The following OTUD7A variants were observed in gnomAD, a reference collection of about 807,000 sequenced individuals.
OTUD7A encodes OTU domain-containing protein 7A.
In OTUD7A, 12 loss-of-function variants were observed where a neutral mutation model predicts 65.7. The observed-to-expected ratio is 0.18, with a 90% CI of 0.12 to 0.30. The LOEUF (loss-of-function observed/expected upper bound fraction) is 0.30, where lower values mean the gene tolerates loss of function less well. Among genes scored for constraint, OTUD7A ranks in the 10% least tolerant of loss-of-function variants. OTUD7A has a pLI of 1.00. For synonymous variants in OTUD7A, 641 were observed against 586.3 expected (o/e 1.09, Z -1.35); for missense variants, 1,148 against 1,304.8 (o/e 0.88, Z 1.85).
chr15:31,755,277 A>G (rs931684958), intron 1 of OTUD7A, among the ~76,000 whole-genome samples: 1 of 152,162 alleles, frequency 6.6e-6, no homozygotes, highest in African/African-American at 2.4e-5. Flanking sequence ...TGCCAGAAGC[A>G]TTTGAAAACA....
At chr15:31,537,635 C>T (rs1395487722) in intron 5 of OTUD7A, among the ~76,000 whole-genome samples, 1 of 152,182 alleles carries the variant, frequency 6.6e-6, no homozygotes, top group African/African-American at 2.4e-5. Flanking sequence ...TTTATAACAA[C>T]CAGGCTGGGA....
rs1011267161 is a variant in OTUD7A at position 31,757,170 on chromosome 15, T to A, written c.-99-100093A>T. 2.0e-4 allele frequency among the ~76,000 whole-genome samples: 31 copies of A among 152,194 alleles called. 1 individual carries two copies. The highest frequency in any genetic ancestry group is 9.7e-4 in the East Asian group (5 of 5,176). ...TTCTCTAAGGCAGAGGCAGATCTCA[T>A]TAATCCTGCACCTCCTGGTGCTGAA... On this transcript the variant is annotated intron_variant, in intron 1 of 12. Transcript: ENST00000307050.
rs182868369 is a variant in OTUD7A, at chr15:31,798,230, G to A, written c.-100+72277C>T. 4.6e-3 allele frequency among the ~76,000 whole-genome samples: 695 copies of A among 152,250 alleles called. 9 individuals are homozygous for A. The highest frequency in any genetic ancestry group is 0.016 in the African/African-American group (670 of 41,528). ...GTGGGGGGGTGGGGGTCCCAATTTA[G>A]TCCATAACAAATGTGATCTTCCCCA... On this transcript the variant is annotated intron_variant, in intron 1 of 12. Coordinates refer to ENST00000307050, the MANE Select transcript of OTUD7A (RefSeq NM_001382637.1).
chr15:31,860,684 T>TATATATATATATATATAC (rs1897711257), intron 1 of OTUD7A, among the ~76,000 whole-genome samples: 1 of 126,366 alleles, frequency 7.9e-6, no homozygotes, highest in Non-Finnish European at 1.7e-5. Context: ...TGTGTATATA[T>TATATATATATATATATAC]ATATATATAT....
At chr15:31,821,129 A>G (rs1366564303) in intron 1 of OTUD7A, among the ~76,000 whole-genome samples, 1 of 104,884 alleles carries the variant, frequency 9.5e-6, no homozygotes, top group Non-Finnish European at 2.0e-5. Flanking sequence ...TCAGTTTTTC[A>G]TTTCTTTTTT....
At chr15:31,809,711 T>C (rs1896372023) in intron 1 of OTUD7A, among the ~76,000 whole-genome samples, 1 of 152,234 alleles carries the variant, frequency 6.6e-6, no homozygotes, top group Non-Finnish European at 1.5e-5. Flanking sequence ...GTCAAGCCTT[T>C]ACACCAAAGC....
At chr15:31,835,197 T>C (rs1206122468) in intron 1 of OTUD7A, among the ~76,000 whole-genome samples, 5 of 152,104 alleles carry the variant, frequency 3.3e-5, no homozygotes, top group Non-Finnish European at 7.3e-5. Flanking sequence ...ACAGAAAAAA[T>C]ATGGAGAAAA....
chr15:31,614,678 A>C (rs1251131892), intron 3 of OTUD7A, among the ~76,000 whole-genome samples: 9 of 152,194 alleles, frequency 5.9e-5, no homozygotes, highest in African/African-American at 2.2e-4. Flanking sequence ...CACTATAGAA[A>C]ATACTAAAAG....
At chr15:31,865,071 T>C (rs2141021128) in intron 1 of OTUD7A, among the ~76,000 whole-genome samples, 1 of 152,290 alleles carries the variant, frequency 6.6e-6, no homozygotes, top group African/African-American at 2.4e-5. Context: ...GGTCATCAAG[T>C]CCAAGTGAGC....
chr15:31,527,370 G>T, intron 6 of OTUD7A, 62 bp from the exon 7 acceptor site: 1 of 1,578,830 alleles, frequency 6.3e-7, no homozygotes. Context: ...ACAAGCCAGA[G>T]GTGATGCAAA....
chr15:31,616,417 T>C (rs1890587948), intron 3 of OTUD7A, among the ~76,000 whole-genome samples: 1 of 152,170 alleles, frequency 6.6e-6, no homozygotes, highest in Admixed American at 6.6e-5. Flanking sequence ...CATTTATATA[T>C]ATATGTGAAA....
intron 1 of OTUD7A, among the ~76,000 whole-genome samples, chr15:31,857,250 C>T (rs1897599212): frequency 6.6e-6 from 1 of 152,172 alleles, no homozygotes; most frequent in Non-Finnish European, 1.5e-5. Context: ...CAACGAGAGC[C>T]CACGGTAGCA....
chr15:31,551,332 T>C (rs1255422332), intron 5 of OTUD7A, among the ~76,000 whole-genome samples: 1 of 152,214 alleles, frequency 6.6e-6, no homozygotes, highest in Non-Finnish European at 1.5e-5. Context: ...GTTTCATGTT[T>C]CTATTCCTGG....
intron 3 of OTUD7A, among the ~76,000 whole-genome samples, chr15:31,653,837 A>G (rs1443077452): frequency 6.6e-6 from 1 of 152,016 alleles, no homozygotes; most frequent in Admixed American, 6.6e-5. Flanking sequence ...ATTAATACTG[A>G]TGTTAGTACT....
intron 3 of OTUD7A, among the ~76,000 whole-genome samples, chr15:31,574,677 T>C (rs781565287): frequency 4.6e-5 from 7 of 152,234 alleles, no homozygotes; most frequent in Non-Finnish European, 8.8e-5. Context: ...TTATTCTTTG[T>C]ATTTTATGAC....
Position 31,503,696 on chromosome 15 carries a change from C to T in OTUD7A, c.1016G>A (p.Gly339Glu), listed in dbSNP as rs1262195587. 2 of 1,614,094 alleles carry T rather than the reference C, an allele frequency of 1.2e-6. No individual in the cohort carries two copies. The highest frequency in any genetic ancestry group is 1.7e-6 in the Non-Finnish European group (2 of 1,180,052). The change falls in exon 9 of 13, where the codon GGA becomes GAA. Residue 339 changes from glycine (G) to glutamate (E), a missense_variant. Gly to Glu is a moderately conservative substitution (Grantham distance 98, BLOSUM62 -2). This residue lies in a region of OTUD7A where 58 missense variants were observed against 131.4 expected (regional missense o/e 0.44). Coordinates refer to ENST00000307050, the MANE Select transcript of OTUD7A (RefSeq NM_001382637.1). ...VADTMLRDSG[G>E]EAFAPIPFGG... ...CATCTCTTTGAGGAACTTACCTTCT[C>T]CACCTGAGTCTCTTAACATTGTATC...
At chr15:31,646,677 C>T (rs6416460) in intron 3 of OTUD7A, among the ~76,000 whole-genome samples, 93,103 of 151,644 alleles carry the variant, frequency 0.61, 30,160 homozygotes, top group East Asian at 0.91. Flanking sequence ...GTCAGGCTGG[C>T]CTCGAACTCC....
intron 3 of OTUD7A, among the ~76,000 whole-genome samples, chr15:31,615,384 A>G (rs1890556216): frequency 6.6e-6 from 1 of 152,200 alleles, no homozygotes; most frequent in African/African-American, 2.4e-5. Context: ...TGACAGAAAA[A>G]AGTTTATAAT....
At chr15:31,659,041 G>A (rs62004138) in intron 1 of OTUD7A, among the ~76,000 whole-genome samples, 12,184 of 124,228 alleles carry the variant, frequency 0.098, 733 homozygotes, top group East Asian at 0.21. Context: ...ATGAATGAAT[G>A]AATAAATAAA....
Sources: gnomAD v4.1 joint callset for allele counts (sites outside exome capture counted in the v4.1 genomes callset) on GRCh38, gnomAD v4.1.1 for gene constraint, gnomAD v4.1.1 regional missense constraint, MANE v1.5 for transcripts, NCBI Gene and HGNC (gene_info 2026-07-23, HGNC 2026-07-21) for gene names.